The following ADAP1 variants were observed in gnomAD, a reference collection of about 807,000 sequenced individuals.
ADAP1 encodes the protein ArfGAP with dual PH domains 1.
A neutral mutation model predicts 54.9 loss-of-function variants in ADAP1; 31 were observed. The ratio of observed to expected loss-of-function variants is 0.56; its 90% CI spans 0.42 to 0.76. The LOEUF is 0.76. Among genes scored for constraint, ADAP1 ranks in the 30% least tolerant of loss-of-function variants. The pLI is 0.00. For missense variants in ADAP1, 535 were observed against 512.4 expected (o/e 1.04, Z -0.42); for synonymous variants, 313 against 202.6 (o/e 1.55, Z -4.63).
upstream of ADAP1, among the ~76,000 whole-genome samples, chr7:955,094 G>A (rs1244082050): frequency 6.6e-6 from 1 of 152,152 alleles, no homozygotes; most frequent in African/African-American, 2.4e-5. Context: ...GGGACGGCCA[G>A]CAGGTGACAA....
intron 1 of ADAP1, among the ~76,000 whole-genome samples, chr7:952,079 G>T (rs1403935146): frequency 6.6e-6 from 1 of 151,892 alleles, no homozygotes; most frequent in East Asian, 1.9e-4. Context: ...GCAGGACAGT[G>T]GGTCCAGGCA....
chr7:908,611 C>T (rs1023533744), intron 4 of ADAP1, among the ~76,000 whole-genome samples: 1 of 152,262 alleles, frequency 6.6e-6, no homozygotes, highest in Admixed American at 6.5e-5. Flanking sequence ...GCTCAGAACG[C>T]CTGTTGACTC....
chr7:905,031 C>G (rs1474869177), intron 5 of ADAP1, 29 bp downstream of exon 5: 6 of 1,586,188 alleles, frequency 3.8e-6, no homozygotes, highest in Admixed American at 1.7e-5. Flanking sequence ...CTGGGACAGG[C>G]CCCCACCCCA....
Position 904,284 on chromosome 7 carries a change from T to A in ADAP1, c.502-12A>T, listed in dbSNP as rs577889744. 1.2e-4 allele frequency: 185 copies of A among 1,578,420 alleles called. No individual in the cohort carries two copies. The South Asian group carries it at 2.0e-3, about 17-fold the overall frequency. On this transcript the variant is annotated splice_polypyrimidine_tract_variant and intron_variant, in intron 5 of 10. Transcript: ENST00000265846. ...TTGGGCTCCTTGGCCTGAGAAGGGGTGGGGTCTAAGCACCTCACAGGGGCC... is the reference window on the plus strand; with the variant it reads ...TTGGGCTCCTTGGCCTGAGAAGGGGAGGGGTCTAAGCACCTCACAGGGGCC...
At chr7:900,046 G>A (rs527608768) in intron 8 of ADAP1, 56 bp downstream of exon 8, 54 of 1,600,470 alleles carry the variant, frequency 3.4e-5, no homozygotes, top group Admixed American at 1.2e-4. Context: ...ACTTCAGTCC[G>A]AGACCCACCA....
At chr7:916,326 CT>C (rs1562923069) in intron 4 of ADAP1, among the ~76,000 whole-genome samples, 1 of 152,210 alleles carries the variant, frequency 6.6e-6, no homozygotes, top group Middle Eastern at 3.2e-3. Flanking sequence ...CTAGATCAAG[CT>C]GTGCCCTGTT....
chr7:908,892 C>A (rs1845589897), intron 4 of ADAP1, among the ~76,000 whole-genome samples: 2 of 152,282 alleles, frequency 1.3e-5, no homozygotes, highest in South Asian at 4.1e-4. Flanking sequence ...TGGCTGGGTC[C>A]AGTGTGTCGG....
intron 3 of ADAP1, among the ~76,000 whole-genome samples, chr7:925,408 C>T (rs1207866756): frequency 6.6e-6 from 1 of 150,754 alleles, no homozygotes; most frequent in Non-Finnish European, 1.5e-5. Context: ...TGTAGGGTTG[C>T]AGCCGGGAAG....
chr7:952,663 C>T (rs1188885246), intron 1 of ADAP1, among the ~76,000 whole-genome samples: 1 of 152,164 alleles, frequency 6.6e-6, no homozygotes, highest in Non-Finnish European at 1.5e-5. Context: ...AAGACAGCTC[C>T]CTTTGCAAGG....
chr7:929,756 C>A (rs1212416930), intron 2 of ADAP1, among the ~76,000 whole-genome samples: 6 of 152,040 alleles, frequency 3.9e-5, no homozygotes, highest in African/African-American at 1.4e-4. Flanking sequence ...GAACTGTACG[C>A]TTTACGGGAG....
chr7:924,714 CCT>C (rs1198012491), intron 3 of ADAP1, among the ~76,000 whole-genome samples: 3 of 151,106 alleles, frequency 2.0e-5, no homozygotes, highest in Admixed American at 6.6e-5. Context: ...AGCAGCAGCC[CCT>C]GAGTCCACGA....
intron 2 of ADAP1, chr7:927,490 A>G (rs1471390237): frequency 4.2e-6 from 2 of 471,206 alleles, no homozygotes; most frequent in Admixed American, 2.3e-5. Context: ...GCTCCTGAAC[A>G]CCACTCGCCT....
At position 946,443 on chromosome 7, in the gene ADAP1, G is replaced by A. The variant is rs991452662; in HGVS notation, c.82+7953C>T. Among the ~76,000 whole-genome samples the A allele has an allele frequency of 6.6e-6, 1 of 152,050 alleles. No homozygotes were observed. Among genetic ancestry groups the A allele is most frequent in the Admixed American group, 6.5e-5 (1 of 15,274 alleles). ...ACAGGCCCTCCCAGGACCCAGATCC[G>A]CTGGCCCCTACCCGGTTCAGGGACA... On this transcript the variant is annotated intron_variant, in intron 1 of 10. Coordinates refer to ENST00000265846, the MANE Select transcript of ADAP1 (RefSeq NM_006869.4). This position sits in a 1 kb window ranked among gnomAD's most constrained non-coding sequence, Gnocchi z 4.3.
intron 3 of ADAP1, among the ~76,000 whole-genome samples, chr7:924,766 C>T (rs1395680417): frequency 2.0e-5 from 3 of 151,900 alleles, no homozygotes; most frequent in Non-Finnish European, 2.9e-5. Flanking sequence ...CCCCCGGTCC[C>T]GACTCAGAAC....
chr7:898,862 C>T lies in ADAP1; in HGVS notation c.*59G>A, dbSNP rs369384707. The T allele has an allele frequency of 7.5e-5, 117 of 1,557,462 alleles. No individual in the cohort carries two copies. The highest frequency in any genetic ancestry group is 1.2e-4 in the South Asian group (10 of 84,980). ...CAGGACGCCAGAGCCCCCCCATCCACGGGTCCCCTCCGTCCAGCCACAGTG... is the reference window on the plus strand; with the variant it reads ...CAGGACGCCAGAGCCCCCCCATCCATGGGTCCCCTCCGTCCAGCCACAGTG... On this transcript the variant is annotated 3_prime_UTR_variant, in exon 11 of 11. Coordinates refer to ENST00000265846, the MANE Select transcript of ADAP1 (RefSeq NM_006869.4).
At chr7:907,817 G>A (rs1046685205) in intron 4 of ADAP1, among the ~76,000 whole-genome samples, 4 of 152,172 alleles carry the variant, frequency 2.6e-5, no homozygotes, top group Admixed American at 6.5e-5. Context: ...CAGGTCCTCA[G>A]TGGGTGCAGA....
chr7:915,001 C>A (rs1276386077), intron 4 of ADAP1, among the ~76,000 whole-genome samples: 2 of 151,800 alleles, frequency 1.3e-5, no homozygotes, highest in African/African-American at 2.4e-5. Flanking sequence ...ATCCCAGCAG[C>A]CTCCCTGCAG....
intron 3 of ADAP1, among the ~76,000 whole-genome samples, chr7:921,691 G>A (rs1846197610): frequency 6.6e-6 from 1 of 152,218 alleles, no homozygotes; most frequent in Admixed American, 6.5e-5. Context: ...ACACCGTGCA[G>A]CTGCCTGAGC....
intron 1 of ADAP1, 64 bp downstream of exon 1, chr7:954,332 C>A: frequency 1.0e-6 from 1 of 1,004,204 alleles, no homozygotes; most frequent in South Asian, 4.4e-5. Context: ...CACCCAGGAC[C>A]CGCCCGGCAC....
Sources: allele counts gnomAD v4.1 joint callset (sites outside exome capture counted in the v4.1 genomes callset), GRCh38; gene constraint gnomAD v4.1.1; non-coding constraint Gnocchi (gnomAD v3.1); transcripts MANE v1.5; gene names NCBI Gene and HGNC (gene_info 2026-07-23, HGNC 2026-07-21).